Variants in INTU observed in about 807,000 individuals in gnomAD.
INTU encodes protein inturned.
A neutral mutation model predicts 100.5 loss-of-function variants in INTU; 68 were observed. That is an observed-to-expected ratio of 0.68 (90% CI 0.56 to 0.83). The LOEUF (loss-of-function observed/expected upper bound fraction) is 0.83. Ranked by LOEUF, INTU falls within the 40% of genes least tolerant of loss-of-function variation. The pLI is 0.00. For missense variants in INTU, 1,071 were observed against 1,114.7 expected, an observed-to-expected ratio of 0.96 and a Z score of 0.56; for synonymous variants, 357 against 395.7, an observed-to-expected ratio of 0.90 and a Z score of 1.16.
intron 10 of INTU, 73 bp downstream of exon 10, chr4:127,704,363 C>A: frequency 1.9e-6 from 2 of 1,059,310 alleles, no homozygotes; most frequent in South Asian, 1.4e-5. Flanking sequence ...CTTTTACAAA[C>A]ATGAAAAATA....
intron 6 of INTU, among the ~76,000 whole-genome samples, chr4:127,680,789 T>C: frequency 6.6e-6 from 1 of 150,432 alleles, no homozygotes. Context: ...GGGTATTCAA[T>C]TAGGAAAAGA....
intron 10 of INTU, among the ~76,000 whole-genome samples, chr4:127,704,666 A>T (rs1015276321): frequency 2.6e-5 from 4 of 152,224 alleles, no homozygotes; most frequent in African/African-American, 4.8e-5. Flanking sequence ...GTTTCATTGC[A>T]TTCTAAAGCA....
At chr4:127,713,756 G>C (rs1012531222) in intron 14 of INTU, among the ~76,000 whole-genome samples, 180 bp from the exon 15 acceptor site, 2 of 152,082 alleles carry the variant, frequency 1.3e-5, no homozygotes, top group South Asian at 2.1e-4. Context: ...TATCCATGAA[G>C]TCTCCTTTAG....
At chr4:127,711,145 C>T (rs1425883073) in intron 14 of INTU, 43 bp downstream of exon 14, 5 of 1,401,480 alleles carry the variant, frequency 3.6e-6, no homozygotes, top group African/African-American at 1.4e-5. Context: ...AGTTTAATTT[C>T]CAGATCTCTA....
At chr4:127,647,202 C>T (rs1279287521) in intron 2 of INTU, among the ~76,000 whole-genome samples, 2 of 152,164 alleles carry the variant, frequency 1.3e-5, no homozygotes, top group Non-Finnish European at 2.9e-5. Flanking sequence ...CTATTGCTGC[C>T]GTGACAAATT....
At chr4:127,691,934 T>C (rs1730146138) in intron 8 of INTU, among the ~76,000 whole-genome samples, 2 of 109,576 alleles carry the variant, frequency 1.8e-5, no homozygotes, top group South Asian at 7.1e-4. Context: ...TGTTCCTTTT[T>C]ATGGCGGAGT....
chr4:127,681,374 A>T (rs1729538537), intron 6 of INTU, among the ~76,000 whole-genome samples: 1 of 152,234 alleles, frequency 6.6e-6, no homozygotes, highest in African/African-American at 2.4e-5. Context: ...TACAGTAACC[A>T]CAACAGCATG....
In INTU at chr4:127,722,043, C is replaced by G. The variant is rs1011703525; in HGVS notation, c.*5607C>G. 3.3e-5 allele frequency: 5 copies of G among 152,250 alleles called. No individual in the cohort carries two copies. Among genetic ancestry groups the G allele is most frequent in the Admixed American group, 2.0e-4 (3 of 15,282 alleles). The allele number at this position is 152,250 out of a possible 1,614,324, so 9.4% of individuals were successfully genotyped here. A position where few individuals can be genotyped will look rare whatever the true frequency, so the allele number is the denominator to read the frequency against. On this transcript the variant is annotated 3_prime_UTR_variant, in exon 16 of 16. Transcript: ENST00000335251. Reference sequence around the variant, plus strand: ...AATCTTTTGGAGGAGAAGAGGCACTCTGGCTTTCTGAGTTTTCCGTATCCT... The same window carrying G: ...AATCTTTTGGAGGAGAAGAGGCACTGTGGCTTTCTGAGTTTTCCGTATCCT...
At chr4:127,709,744 C>G (rs1326055902) in intron 13 of INTU, among the ~76,000 whole-genome samples, 1 of 151,314 alleles carries the variant, frequency 6.6e-6, no homozygotes, top group African/African-American at 2.4e-5. Flanking sequence ...CACACACACA[C>G]AGTACAGAGC....
chr4:127,640,538 GATACATATATAT>G (rs1424555161), intron 1 of INTU, among the ~76,000 whole-genome samples: 19 of 70,364 alleles, frequency 2.7e-4, no homozygotes, highest in African/African-American at 9.9e-4. Flanking sequence ...TTTGGGTAAA[GATACATATATAT>G]ATATATATAT....
At chr4:127,651,844 C>T (rs1226378951) in intron 2 of INTU, among the ~76,000 whole-genome samples, 2 of 151,642 alleles carry the variant, frequency 1.3e-5, no homozygotes, top group African/African-American at 4.9e-5. Context: ...ATTCTTCCTA[C>T]ACATGAGCAT....
At chr4:127,651,890 T>A (rs908962493) in intron 2 of INTU, among the ~76,000 whole-genome samples, 25 of 151,370 alleles carry the variant, frequency 1.7e-4, no homozygotes, top group Admixed American at 7.2e-4. Flanking sequence ...CCTCTTTTAT[T>A]TCCTTGAGCA....
rs892418882 is a variant in INTU, at chr4:127,708,062, G to A, written c.2272-509G>A. ...GGTGTATTTGGAAGTACTTACATCA[G>A]TACCATACCTATTATCACAGTCGAT... is the stretch of plus-strand genomic sequence containing the variant. On this transcript the variant is annotated intron_variant, in intron 12 of 15. Coordinates refer to ENST00000335251, the MANE Select transcript of INTU (RefSeq NM_015693.4). Among the ~76,000 whole-genome samples, 10 of 152,268 alleles carry A rather than the reference G, an allele frequency of 6.6e-5. 1 individual carries two copies. The South Asian group carries it at 1.5e-3, about 22-fold the overall frequency.
chr4:127,680,335 C>A (rs1230557170), intron 6 of INTU, among the ~76,000 whole-genome samples: 1 of 149,686 alleles, frequency 6.7e-6, no homozygotes, highest in East Asian at 2.0e-4. Flanking sequence ...CCTTGATGAA[C>A]ATTGATGCAA....
chr4:127,659,932 A>G (rs1728402413), intron 3 of INTU, among the ~76,000 whole-genome samples: 2 of 152,232 alleles, frequency 1.3e-5, no homozygotes, highest in South Asian at 4.1e-4. Flanking sequence ...TATACTGTGG[A>G]AAAATTAGAA....
chr4:127,654,511 G>T (rs1015339726), intron 2 of INTU, among the ~76,000 whole-genome samples: 4 of 152,082 alleles, frequency 2.6e-5, no homozygotes, highest in African/African-American at 9.7e-5. Flanking sequence ...TGAAATTCTG[G>T]GTTGAAAATT....
chr4:127,714,868 CTG>C (rs1731214955), intron 15 of INTU, among the ~76,000 whole-genome samples: 1 of 152,004 alleles, frequency 6.6e-6, no homozygotes, highest in South Asian at 2.1e-4. Context: ...GTAGGTGAGA[CTG>C]TGCCTGGCAA....
rs191706173 is a variant in INTU, at chr4:127,717,904, T to C, written c.*1468T>C. On this transcript the variant is annotated 3_prime_UTR_variant, in exon 16 of 16. Transcript: ENST00000335251. ...GGATATCAGATCATTGTTGGATGAA[T>C]AGATTGCCAAAATTTTCTCCCACTC... The C allele has an allele frequency of 6.6e-6, 1 of 152,326 alleles. No homozygotes were observed. Among genetic ancestry groups the C allele is most frequent in the Non-Finnish European group, 1.5e-5 (1 of 68,026 alleles). The allele number at this position is 152,326 out of a possible 1,614,324, so 9.4% of individuals were successfully genotyped here.
chr4:127,660,930 A>G (rs1218746432), intron 3 of INTU, among the ~76,000 whole-genome samples: 1 of 152,216 alleles, frequency 6.6e-6, no homozygotes, highest in Non-Finnish European at 1.5e-5. Context: ...ATTTTTTAAA[A>G]TAGCACTTAA....
Sources: gnomAD v4.1 joint callset for allele counts (sites outside exome capture counted in the v4.1 genomes callset) on GRCh38, gnomAD v4.1.1 for gene constraint, MANE v1.5 for transcripts, NCBI Gene and HGNC (gene_info 2026-07-23, HGNC 2026-07-21) for gene names.